Variants in PUDP observed in about 807,000 individuals in gnomAD.
PUDP encodes the protein pseudouridine 5'-phosphatase, also known as pseudouridine-5'-phosphatase.
A neutral mutation model predicts 9.4 loss-of-function variants in PUDP; 8 were observed. The ratio of observed to expected loss-of-function variants is 0.85; its 90% confidence interval spans 0.50 to 1.53. PUDP has a LOEUF of 1.53. PUDP is among the 40% of genes most tolerant of loss of function. The pLI, the probability that PUDP is intolerant of heterozygous loss-of-function variation, is 0.00. For synonymous variants in PUDP, 99 were observed against 80.7 expected (o/e 1.23, Z -1.22); for missense variants, 188 against 189.7 (o/e 0.99, Z 0.05).
chrX:7,089,239 C>T lies in PUDP; in HGVS notation c.281-11790G>A, dbSNP rs771280366. ...AGTCAGTTTTTCCATCAGTGGGCCT[C>T]GAAATGTTGGTGTTTAAGAGTTGTT... On this transcript the variant is annotated intron_variant, in intron 2 of 3. Transcript: ENST00000381077. Among the ~76,000 whole-genome samples the T allele has an allele frequency of 6.6e-4, 73 of 111,420 alleles. 1 individual carries two copies. Among genetic ancestry groups the T allele is most frequent in the African/African-American group, 2.3e-3 (69 of 30,602 alleles).
At chrX:7,104,953 C>G (rs1411723574) in intron 2 of PUDP, among the ~76,000 whole-genome samples, 7 of 111,670 alleles carry the variant, frequency 6.3e-5, no homozygotes, top group East Asian at 5.6e-4. Context: ...GAGTATTCAT[C>G]CTGTATATCC....
intron 1 of PUDP, among the ~76,000 whole-genome samples, chrX:6,708,658 G>A (rs780954013): frequency 2.2e-4 from 25 of 111,475 alleles, no homozygotes; most frequent in South Asian, 1.1e-3. Flanking sequence ...ATAATGTATC[G>A]GTTTCTTTGG....
chrX:6,855,340 T>C (rs1386262613), intron 3 of PUDP, among the ~76,000 whole-genome samples: 1 of 112,274 alleles, frequency 8.9e-6, no homozygotes, highest in Non-Finnish European at 1.9e-5. Flanking sequence ...GTAAGGCTTC[T>C]GGTCAGCAGT....
At chrX:6,838,182 A>C (rs1926613464) in intron 3 of PUDP, among the ~76,000 whole-genome samples, 1 of 112,317 alleles carries the variant, frequency 8.9e-6, no homozygotes, top group South Asian at 3.7e-4. Context: ...AGAACCTTTT[A>C]ATTATTTGGA....
At position 6,758,420 on chromosome X, in the gene PUDP, G is replaced by A. The variant is rs141644299; in HGVS notation, c.*248-51954C>T. ...TGAGGCTTCAGTGAGCTGTGACGGCGTCACTGCACTCCAGCCTAGGTGACA... is the reference window on the plus strand; with the variant it reads ...TGAGGCTTCAGTGAGCTGTGACGGCATCACTGCACTCCAGCCTAGGTGACA... On this transcript the variant is annotated intron_variant and NMD_transcript_variant, in intron 3 of 3. Coordinates refer to the PUDP transcript ENST00000655425. Among the ~76,000 whole-genome samples, 220 of 111,774 alleles carry A rather than the reference G, an allele frequency of 2.0e-3. 2 individuals carry two copies. The highest frequency in any genetic ancestry group is 6.7e-3 in the African/African-American group (205 of 30,774).
intron 1 of PUDP, among the ~76,000 whole-genome samples, chrX:6,980,682 A>G (rs2146799387): frequency 9.0e-6 from 1 of 110,978 alleles, no homozygotes; most frequent in East Asian, 2.8e-4. Context: ...AAAAAAAACA[A>G]CAAGAATGAT....
intron 1 of PUDP, among the ~76,000 whole-genome samples, chrX:7,005,061 C>G (rs1474617419): frequency 9.0e-6 from 1 of 111,684 alleles, no homozygotes; most frequent in Non-Finnish European, 1.9e-5. Context: ...AATATGACTT[C>G]TACCCCTAGG....
chrX:6,979,139 G>A (rs60220745), intron 1 of PUDP, among the ~76,000 whole-genome samples: 3,643 of 111,729 alleles, frequency 0.033, 154 homozygotes, highest in African/African-American at 0.11. Flanking sequence ...TTGTTATGTC[G>A]CGTAATAGTA....
chrX:6,955,651 T>G (rs1224320991), intron 3 of PUDP, among the ~76,000 whole-genome samples: 2 of 111,686 alleles, frequency 1.8e-5, no homozygotes, highest in African/African-American at 6.5e-5. Context: ...CTTTTTTCCC[T>G]AAAACATATT....
chrX:6,897,818 C>T (rs1240242472), intron 3 of PUDP, among the ~76,000 whole-genome samples: 2 of 110,971 alleles, frequency 1.8e-5, no homozygotes, highest in Non-Finnish European at 3.8e-5. Flanking sequence ...TATCACCTCC[C>T]AACGGCTCCA....
intron 3 of PUDP, among the ~76,000 whole-genome samples, chrX:6,891,404 A>T (rs1472434987): frequency 8.9e-6 from 1 of 111,754 alleles, no homozygotes; most frequent in African/African-American, 3.3e-5. Context: ...GCAAGCTAAC[A>T]TGTGGTTTCT....
At chrX:6,887,199 ATT>A (rs1211557634) in intron 3 of PUDP, among the ~76,000 whole-genome samples, 8 of 105,638 alleles carry the variant, frequency 7.6e-5, no homozygotes, top group Non-Finnish European at 1.4e-4. Context: ...AATTAAATAT[ATT>A]TATTTACAAA....
chrX:6,902,046 A>G (rs1927696799), intron 3 of PUDP, among the ~76,000 whole-genome samples: 1 of 109,525 alleles, frequency 9.1e-6, no homozygotes, highest in Non-Finnish European at 1.9e-5. Flanking sequence ...GCTCATTTTA[A>G]AATTTTTTTG....
chrX:7,144,461 G>T (rs959025986), intron 1 of PUDP, among the ~76,000 whole-genome samples: 1 of 111,984 alleles, frequency 8.9e-6, no homozygotes. Context: ...TATGTCTGTG[G>T]AATTTTGGCC....
Position 7,105,854 on chromosome X carries a change from A to C in PUDP, c.62-16T>G, listed in dbSNP as rs903276523. ...CGTTCAGTATCTGCAGGAAAAAAAA[A>C]AGAGATTTTTAGAGTGCATACTGTA... is the stretch of plus-strand genomic sequence containing the variant. On this transcript the variant is annotated splice_polypyrimidine_tract_variant and intron_variant, in intron 1 of 3. Coordinates refer to ENST00000381077, the MANE Select transcript of PUDP (RefSeq NM_012080.5). 3.5e-6 allele frequency: 4 copies of C among 1,127,065 alleles called. No homozygotes were observed. The African/African-American group carries it at 7.2e-5, about 20-fold the overall frequency. 92.9% of individuals were successfully genotyped at this position (1,127,065 alleles called of 1,213,427 possible). A position where few individuals can be genotyped will look rare whatever the true frequency, so the allele number is the denominator to read the frequency against.
intron 3 of PUDP, among the ~76,000 whole-genome samples, chrX:6,961,823 C>G (rs1302466804): frequency 1.8e-5 from 2 of 111,672 alleles, no homozygotes; most frequent in Non-Finnish European, 3.8e-5. Flanking sequence ...AATTCCATAT[C>G]CGTGCATGGT....
chrX:7,098,931 C>CGGCCAAGAGATGCAGGGGAGAGAG (rs1931651781), intron 2 of PUDP, among the ~76,000 whole-genome samples: 1 of 110,604 alleles, frequency 9.0e-6, no homozygotes, highest in Non-Finnish European at 1.9e-5. Context: ...AGGGGAGAGC[C>CGGCCAAGAGATGCAGGGGAGAGAG]GGCCAAGAGA....
At chrX:6,946,967 G>A (rs1418450958) in intron 3 of PUDP, among the ~76,000 whole-genome samples, 1 of 90,653 alleles carries the variant, frequency 1.1e-5, no homozygotes, top group African/African-American at 4.0e-5. Context: ...ATTCTATATT[G>A]TCTGTTTTTT....
rs756002110 is a variant in PUDP at position 6,938,607 on chromosome X, C to G, written c.*247+38526G>C. Among the ~76,000 whole-genome samples the G allele has an allele frequency of 3.6e-5, 3 of 84,214 alleles. No homozygotes were observed. The East Asian group carries it at 1.2e-3, about 33-fold the overall frequency. 73.1% of individuals were successfully genotyped at this position (84,214 alleles called of 115,157 possible). A position where few individuals can be genotyped will look rare whatever the true frequency, so the allele number is the denominator to read the frequency against. On this transcript the variant is annotated intron_variant and NMD_transcript_variant, in intron 3 of 3. Coordinates refer to the PUDP transcript ENST00000655425. ...ATGTAACTAACCTGCACAATGTGCA[C>G]ATGTACCCTAGAACTTAAATTAAAA...
Sources: allele counts gnomAD v4.1 joint callset (sites outside exome capture counted in the v4.1 genomes callset), GRCh38; gene constraint gnomAD v4.1.1; transcripts MANE v1.5; gene names NCBI Gene and HGNC (gene_info 2026-07-23, HGNC 2026-07-21).